ROGDI: variants seen among roughly 807,000 people sequenced by gnomAD.
The protein encoded by ROGDI is rogdi atypical leucine zipper.
ROGDI carries 46 observed loss-of-function variants against 43.1 expected under a neutral mutation model. The ratio of observed to expected loss-of-function variants is 1.07; its 90% confidence interval spans 0.84 to 1.37. The LOEUF (loss-of-function observed/expected upper bound fraction) is 1.37, where lower values mean the gene tolerates loss of function less well. Ranked by LOEUF, ROGDI falls within the 40% of genes most tolerant of loss-of-function variation. The pLI, the probability that ROGDI is intolerant of heterozygous loss-of-function variation, is 0.00. For synonymous variants in ROGDI, 243 were observed against 162.0 expected, an observed-to-expected ratio of 1.50 and a Z score of -3.80; for missense variants, 518 against 383.9, an observed-to-expected ratio of 1.35 and a Z score of -2.92.
At chr16:4,799,194 G>A (rs2082689211) in intron 6 of ROGDI, among the ~76,000 whole-genome samples, 2 of 152,150 alleles carry the variant, frequency 1.3e-5, no homozygotes, top group South Asian at 2.1e-4. Context: ...ATGAGTACCA[G>A]GGTGATGTGG....
At chr16:4,799,662 G>A (rs1596276469) in intron 6 of ROGDI, 24 bp downstream of exon 6, 2 of 1,578,644 alleles carry the variant, frequency 1.3e-6, no homozygotes, top group Non-Finnish European at 1.7e-6. Flanking sequence ...CTAGGCCCAG[G>A]AGTCAGGCCC....
chr16:4,797,393 T>C lies in ROGDI; in HGVS notation c.*67A>G. The C allele has an allele frequency of 1.4e-6, 2 of 1,452,028 alleles. No homozygotes were observed. The highest frequency in any genetic ancestry group is 1.9e-6 in the Non-Finnish European group (2 of 1,057,882). The allele number at this position is 1,452,028 out of a possible 1,614,324, so 89.9% of individuals were successfully genotyped here. A position where few individuals can be genotyped will look rare whatever the true frequency, so the allele number is the denominator to read the frequency against. On this transcript the variant is annotated 3_prime_UTR_variant, in exon 11 of 11. Transcript: ENST00000322048. ...GCAGCCTGGCGTTGGCACTGGCTGG[T>C]GCTCTGTGGTGGGTATGAGTAGGGG...
rs554441990 is a variant in ROGDI, at chr16:4,801,335, C to T, written c.201-14G>A. The T allele has an allele frequency of 1.6e-5, 25 of 1,601,152 alleles. No individual in the cohort carries two copies. Among genetic ancestry groups the T allele is most frequent in the East Asian group, 1.1e-4 (5 of 44,638 alleles). ...ACCTGGTCTGTGCTGTAACATGTGG[C>T]GTCAGAGCGGTGCCTGTGGTCACCC... On this transcript the variant is annotated splice_polypyrimidine_tract_variant and intron_variant, in intron 3 of 10. Coordinates refer to ENST00000322048, the MANE Select transcript of ROGDI (RefSeq NM_024589.3).
In ROGDI at chr16:4,797,272, C is replaced by A; in HGVS notation, c.*188G>T. 1 of 604,308 alleles carries A rather than the reference C, an allele frequency of 1.7e-6. No homozygotes were observed. Among genetic ancestry groups the A allele is most frequent in the Non-Finnish European group, 2.9e-6 (1 of 347,356 alleles). 37.4% of individuals were successfully genotyped at this position (604,308 alleles called of 1,614,324 possible). ...CCTCCCTGACCTCCCCACTACCCCA[C>A]CAAACCAGCCTTCCTTCCTCCTGGC... is the stretch of plus-strand genomic sequence containing the variant. On this transcript the variant is annotated 3_prime_UTR_variant, in exon 11 of 11. Coordinates refer to ENST00000322048, the MANE Select transcript of ROGDI (RefSeq NM_024589.3).
intron 10 of ROGDI, 44 bp downstream of exon 10, chr16:4,797,670 C>G (rs1189418374): frequency 2.1e-6 from 2 of 960,270 alleles, no homozygotes; most frequent in South Asian, 3.9e-5. Flanking sequence ...GGCAAGGACC[C>G]TTAGAAGTCC....
In ROGDI at chr16:4,797,084, G is replaced by A. The variant is rs557318424; in HGVS notation, c.*376C>T. ...GTCTGTGGCGTTCCTCACCATCCCC[G>A]GGACTCATAGCTCAGTGCCACCCCC... is the stretch of plus-strand genomic sequence containing the variant. On this transcript the variant is annotated 3_prime_UTR_variant, in exon 11 of 11. Transcript: ENST00000322048. 5 of 245,014 alleles carry A rather than the reference G, an allele frequency of 2.0e-5. 1 individual carries two copies. The highest frequency in any genetic ancestry group is 6.7e-5 in the African/African-American group (3 of 45,020). 15.2% of individuals were successfully genotyped at this position (245,014 alleles called of 1,614,324 possible).
rs1474787121 is a variant in ROGDI at position 4,802,460 on chromosome 16, G to T, written c.46-7C>A. The T allele has an allele frequency of 1.6e-6, 2 of 1,288,540 alleles. No individual in the cohort carries two copies. Among genetic ancestry groups the T allele is most frequent in the African/African-American group, 1.6e-5 (1 of 64,452 alleles). 79.8% of individuals were successfully genotyped at this position (1,288,540 alleles called of 1,614,324 possible). On this transcript the variant is annotated splice_polypyrimidine_tract_variant and splice_region_variant and intron_variant, in intron 1 of 10. Transcript: ENST00000322048. Reference sequence around the variant, plus strand: ...GCCAGCGGAACTCCTCCTCCTGCGGGACAGACCCGGCGGTCGCGCCCGGCC... The same window carrying T: ...GCCAGCGGAACTCCTCCTCCTGCGGTACAGACCCGGCGGTCGCGCCCGGCC...
chr16:4,801,063 C>G, intron 4 of ROGDI: 1 of 534,118 alleles, frequency 1.9e-6, no homozygotes, highest in Non-Finnish European at 3.3e-6. Flanking sequence ...GTGCAAAGAA[C>G]CCCTCTCCTG....
chr16:4,801,359 C>T (rs762367936), intron 3 of ROGDI, 38 bp from the exon 4 acceptor site: 4 of 1,586,828 alleles, frequency 2.5e-6, no homozygotes, highest in South Asian at 2.3e-5. Flanking sequence ...CTGTGGTCAC[C>T]CCCCCACCAC....
Position 4,801,315 on chromosome 16 carries a change from G to A in ROGDI, c.207C>T (p.Asp69=), listed in dbSNP as rs977378578. The A allele has an allele frequency of 1.9e-6, 3 of 1,608,108 alleles. No homozygotes were observed. Among genetic ancestry groups the A allele is most frequent in the Admixed American group, 1.7e-5 (1 of 59,648 alleles). The part of the protein sequence containing the change: ...ENFILGSCGT[D]QVKGVLTLQG... The stretch of plus-strand genomic sequence containing the variant: ...GCAGAGTCAGCACACCCTTCACCTG[G>A]TCTGTGCTGTAACATGTGGCGTCAG... Residue 69 remains aspartate (D), a synonymous_variant, in exon 4 of 11, where the codon GAC becomes GAT. Transcript: ENST00000322048.
At chr16:4,798,833 G>C in intron 6 of ROGDI, 166 bp from the exon 7 acceptor site, 2 of 623,276 alleles carry the variant, frequency 3.2e-6, no homozygotes, top group Non-Finnish European at 5.6e-6. Flanking sequence ...GCTCCAGCTG[G>C]GTATGGAGGA....
Position 4,797,070 on chromosome 16 carries a change from T to TAA in ROGDI, c.*389_*390insTT, listed in dbSNP as rs2082659463. 4.3e-6 allele frequency: 1 copy of TAA among 231,914 alleles called. No individual in the cohort carries two copies. The highest frequency in any genetic ancestry group is 8.6e-6 in the Non-Finnish European group (1 of 116,314). The allele number at this position is 231,914 out of a possible 1,614,324, so 14.4% of individuals were successfully genotyped here. Reference sequence around the variant, plus strand: ...CCTAGGGTGGCTCTGTCTGTGGCGTTCCTCACCATCCCCGGGACTCATAGC... The same window carrying TAA: ...CCTAGGGTGGCTCTGTCTGTGGCGTTAACCTCACCATCCCCGGGACTCATAGC... On this transcript the variant is annotated 3_prime_UTR_variant, in exon 11 of 11. Transcript: ENST00000322048.
At chr16:4,799,331 C>A (rs538525059) in intron 6 of ROGDI, among the ~76,000 whole-genome samples, 1 of 152,190 alleles carries the variant, frequency 6.6e-6, no homozygotes, top group East Asian at 1.9e-4. Context: ...CCAGAGAGGG[C>A]AGGTGAACCA....
chr16:4,802,542 C>A lies in ROGDI; in HGVS notation c.30G>T (p.Ala10=). 2 of 1,278,586 alleles carry A rather than the reference C, an allele frequency of 1.6e-6. No individual in the cohort carries two copies. Among genetic ancestry groups the A allele is most frequent in the Non-Finnish European group, 2.0e-6 (2 of 1,006,502 alleles). The allele number at this position is 1,278,586 out of a possible 1,614,324, so 79.2% of individuals were successfully genotyped here. ...CGCGCCTTACCAGCACCGCCCGCTC[C>A]GCCGCCGTCGCTGCCATCACGGTGG... The part of the protein sequence containing the change: MATVMAATA[A]ERAVLEEEFR... Residue 10 remains alanine, a synonymous_variant, in exon 1 of 11, where the codon GCG becomes GCT. Coordinates refer to ENST00000322048, the MANE Select transcript of ROGDI (RefSeq NM_024589.3).
At position 4,798,130 on chromosome 16, in the gene ROGDI, G is replaced by A; in HGVS notation, c.586C>T (p.Leu196Phe). 6.2e-7 allele frequency: 1 copy of A among 1,614,060 alleles called. No individual in the cohort carries two copies. Among genetic ancestry groups the A allele is most frequent in the Non-Finnish European group, 8.5e-7 (1 of 1,179,956 alleles). Residue 196 changes from leucine (L) to phenylalanine (F), a missense_variant, in exon 8 of 11, where the codon CTC (leucine) becomes TTC (phenylalanine). Transcript: ENST00000322048. Reference sequence around the variant, plus strand: ...TACACCGTGAGGCAGAGCTTGTTGAGGTTGATGTAGACGTTGACCAGCAGG... The same window carrying A: ...TACACCGTGAGGCAGAGCTTGTTGAAGTTGATGTAGACGTTGACCAGCAGG... ...SDLLVNVYIN[L>F]NKLCLTVYQL...
intron 2 of ROGDI, 36 bp downstream of exon 2, chr16:4,802,346 C>A: frequency 1.3e-6 from 2 of 1,526,452 alleles, no homozygotes; most frequent in African/African-American, 1.4e-5. Context: ...GGAGGGAGGG[C>A]CGCCACGCCC....
intron 2 of ROGDI, chr16:4,802,126 C>T: frequency 1.5e-6 from 1 of 654,764 alleles, no homozygotes; most frequent in Non-Finnish European, 2.8e-6. Flanking sequence ...CCGCTGCTCC[C>T]AAGGCGGCCT....
At chr16:4,801,184 C>T (rs755494293) in intron 4 of ROGDI, 83 bp downstream of exon 4, 1 of 1,213,846 alleles carries the variant, frequency 8.2e-7, no homozygotes, top group Middle Eastern at 2.0e-4. Flanking sequence ...CCCAGAGTCG[C>T]AGGGCTTGTA....
intron 5 of ROGDI, 116 bp from the exon 6 acceptor site, chr16:4,799,897 C>A (rs1196739607): frequency 2.7e-6 from 2 of 732,150 alleles, no homozygotes; most frequent in Non-Finnish European, 4.6e-6. Flanking sequence ...CATCCCTGTG[C>A]CCCAGAGGGC....
Sources: allele counts gnomAD v4.1 joint callset (sites outside exome capture counted in the v4.1 genomes callset), GRCh38; gene constraint gnomAD v4.1.1; transcripts MANE v1.5; gene names NCBI Gene and HGNC (gene_info 2026-07-23, HGNC 2026-07-21).